The following ZNF763 variants were observed in gnomAD, a reference collection of about 807,000 sequenced individuals.
ZNF763 encodes zinc finger protein 763.
Under a neutral mutation model 38.0 loss-of-function variants are expected in ZNF763, and 33 were observed. The observed-to-expected ratio is 0.87, with a 90% confidence interval of 0.66 to 1.16. The LOEUF is 1.16. Ranked by LOEUF, ZNF763 falls within the 50% of genes most tolerant of loss-of-function variation. The pLI, the probability that ZNF763 is intolerant of heterozygous loss-of-function variation, is 0.00. For synonymous variants in ZNF763, 155 were observed against 160.1 expected (o/e 0.97, Z 0.24); for missense variants, 423 against 469.1 (o/e 0.90, Z 0.91).
intron 2 of ZNF763, 27 bp from the exon 3 acceptor site, chr19:11,977,344 G>T (rs1483929687): frequency 1.2e-6 from 2 of 1,612,678 alleles, no homozygotes; most frequent in African/African-American, 2.7e-5. Flanking sequence ...ATTGCTTCAG[G>T]ACTACTTTTC....
Position 11,977,425 on chromosome 19 carries a change from A to C in ZNF763, c.185A>C (p.Asn62Thr). The C allele has an allele frequency of 1.2e-6, 2 of 1,613,970 alleles. No individual in the cohort carries two copies. The highest frequency in any genetic ancestry group is 1.7e-6 in the Non-Finnish European group (2 of 1,179,906). Reference protein sequence around the residue: ...IEYEYQNPRRNFRSLIEGNVN... With the variant: ...IEYEYQNPRRTFRSLIEGNVN... Reference sequence around the variant, plus strand: ...TATGAGTACCAAAACCCCAGGAGAAACTTCAGGTAATTGGCACTTAAAGAG... The same window carrying C: ...TATGAGTACCAAAACCCCAGGAGAACCTTCAGGTAATTGGCACTTAAAGAG... Residue 62 changes from asparagine to threonine, a missense_variant, in exon 3 of 4, where the codon AAC (asparagine) becomes ACC (threonine). Physicochemically the swap from Asn to Thr is moderately conservative, Grantham distance 65. Coordinates refer to ENST00000358987, the MANE Select transcript of ZNF763 (RefSeq NM_001367172.2).
chr19:11,977,136 G>A lies in ZNF763; in HGVS notation c.102G>A (p.Leu34=). 1 of 1,614,064 alleles carries A rather than the reference G, an allele frequency of 6.2e-7. No individual in the cohort carries two copies. The highest frequency in any genetic ancestry group is 1.1e-5 in the South Asian group (1 of 91,078). Residue 34 remains leucine, a synonymous_variant, in exon 2 of 4, where the codon CTG becomes CTA. Coordinates refer to ENST00000358987, the MANE Select transcript of ZNF763 (RefSeq NM_001367172.2). ...GGAAACTCTACAGGGAAGTGATGCT[G>A]GAAACTTTCAGGAACCTGACCTCTA... is the stretch of plus-strand genomic sequence containing the variant. ...SQRKLYREVM[L]ETFRNLTSIG...
At chr19:11,977,197 T>C (rs1420061651) in intron 2 of ZNF763, 33 bp downstream of exon 2, 1 of 1,612,284 alleles carries the variant, frequency 6.2e-7, no homozygotes, top group Admixed American at 1.7e-5. Flanking sequence ...CCTCAGTCCA[T>C]TAGTGAACCA....
chr19:11,977,531 T>A, intron 3 of ZNF763, 100 bp downstream of exon 3: 1 of 1,395,662 alleles, frequency 7.2e-7, no homozygotes, highest in Non-Finnish European at 9.9e-7. Flanking sequence ...CAGTATCAAA[T>A]TCATCTCTTC....
intron 1 of ZNF763, among the ~76,000 whole-genome samples, chr19:11,969,424 G>C (rs1038086944): frequency 6.6e-6 from 1 of 152,118 alleles, no homozygotes; most frequent in Non-Finnish European, 1.5e-5. Flanking sequence ...TGTTCACACA[G>C]CCTATATAGG....
intron 3 of ZNF763, 135 bp downstream of exon 3, chr19:11,977,566 T>C: frequency 1.7e-6 from 2 of 1,169,154 alleles, no homozygotes; most frequent in Admixed American, 2.5e-5. Flanking sequence ...CAAAATCATA[T>C]ATTTACATGT....
rs1973575878 is a variant in ZNF763, at chr19:11,979,512, A to T, written c.*403A>T. 2 of 1,602,418 alleles carry T rather than the reference A, an allele frequency of 1.2e-6. No homozygotes were observed. Among genetic ancestry groups the T allele is most frequent in the South Asian group, 2.2e-5 (2 of 90,702 alleles). On this transcript the variant is annotated 3_prime_UTR_variant, in exon 4 of 4. Transcript: ENST00000358987. ...TATTCTCCCACGTCATTTCAAAGAC[A>T]TGAAAAAACTCACACTGCAGAGAAA... is the stretch of plus-strand genomic sequence containing the variant.
intron 1 of ZNF763, among the ~76,000 whole-genome samples, chr19:11,974,081 C>CT (rs148666879): frequency 0.031 from 2,371 of 75,862 alleles, 82 homozygotes; most frequent in African/African-American, 0.12. Flanking sequence ...TTCTTTCTTT[C>CT]TTTCTTTCTT....
At chr19:11,971,270 A>G (rs1220893872) in intron 1 of ZNF763, among the ~76,000 whole-genome samples, 2 of 152,172 alleles carry the variant, frequency 1.3e-5, no homozygotes, top group African/African-American at 4.8e-5. Flanking sequence ...CACATGACAG[A>G]AAAGAGAGGA....
At chr19:11,977,007 C>A in intron 1 of ZNF763, 31 bp from the exon 2 acceptor site, 1 of 1,613,108 alleles carries the variant, frequency 6.2e-7, no homozygotes, top group Non-Finnish European at 8.5e-7. Context: ...CACTCTCACC[C>A]AGCCTCCTCT....
In ZNF763 at chr19:11,979,743, C is replaced by A; in HGVS notation, c.*634C>A. On this transcript the variant is annotated 3_prime_UTR_variant, in exon 4 of 4. Coordinates refer to ENST00000358987, the MANE Select transcript of ZNF763 (RefSeq NM_001367172.2). Reference sequence around the variant, plus strand: ...AAGCAATGTGGGAAAGCCTTCAGATCTGCCCCACACCTTCGAATCCATGGT... The same window carrying A: ...AAGCAATGTGGGAAAGCCTTCAGATATGCCCCACACCTTCGAATCCATGGT... The A allele has an allele frequency of 6.3e-7, 1 of 1,580,666 alleles. No homozygotes were observed. The highest frequency in any genetic ancestry group is 2.3e-5 in the East Asian group (1 of 43,920).
intron 1 of ZNF763, 129 bp downstream of exon 1, chr19:11,965,340 T>C: frequency 7.6e-7 from 1 of 1,319,460 alleles, no homozygotes; most frequent in East Asian, 2.5e-5. Flanking sequence ...CTCCTGGAGC[T>C]GCTCGGCCCT....
Position 11,979,533 on chromosome 19 carries a change from A to G in ZNF763, c.*424A>G. 6.2e-7 allele frequency: 1 copy of G among 1,603,844 alleles called. No individual in the cohort carries two copies. The highest frequency in any genetic ancestry group is 8.5e-7 in the Non-Finnish European group (1 of 1,172,982). ...AGACATGAAAAAACTCACACTGCAG[A>G]GAAACCCTATGAATGCAAGCAATGT... is the stretch of plus-strand genomic sequence containing the variant. On this transcript the variant is annotated 3_prime_UTR_variant, in exon 4 of 4. Coordinates refer to ENST00000358987, the MANE Select transcript of ZNF763 (RefSeq NM_001367172.2).
intron 1 of ZNF763, among the ~76,000 whole-genome samples, chr19:11,968,234 A>C (rs1973277942): frequency 6.6e-6 from 1 of 151,686 alleles, no homozygotes; most frequent in African/African-American, 2.4e-5. Context: ...TAGAAGGCTG[A>C]TGTATGAGGT....
chr19:11,973,515 A>G (rs775722369), intron 1 of ZNF763, among the ~76,000 whole-genome samples: 4 of 151,928 alleles, frequency 2.6e-5, no homozygotes, highest in Non-Finnish European at 4.4e-5. Flanking sequence ...ACGTTCGGCC[A>G]CTCATTTTCT....
chr19:11,966,856 A>G (rs1270529465), intron 1 of ZNF763, among the ~76,000 whole-genome samples: 2 of 152,152 alleles, frequency 1.3e-5, no homozygotes, highest in African/African-American at 4.8e-5. Context: ...GAAAGATAGC[A>G]ATGGCCCAAA....
Position 11,977,067 on chromosome 19 carries a change from G to A in ZNF763, c.33G>A (p.Val11=), listed in dbSNP as rs111399037. The A allele has an allele frequency of 5.8e-3, 9,294 of 1,614,132 alleles. 421 individuals are homozygous for A. The African/African-American group carries it at 0.1, about 18-fold the overall frequency. Residue 11 remains valine, a synonymous_variant, in exon 2 of 4, where the codon GTG becomes GTA. Transcript: ENST00000358987. ...CTGTGGCCTGTGAGGATGTTGCTGT[G>A]AACTTCACCCAGGAGGAGTGGGCTT... MDPVACEDVA[V]NFTQEEWALL...
At chr19:11,968,024 T>C (rs1486585363) in intron 1 of ZNF763, among the ~76,000 whole-genome samples, 1 of 152,140 alleles carries the variant, frequency 6.6e-6, no homozygotes, top group Non-Finnish European at 1.5e-5. Context: ...GTTGTGGGAG[T>C]GTAAGGATAC....
chr19:11,978,551 C>T lies in ZNF763; in HGVS notation c.627C>T (p.Val209=). The T allele has an allele frequency of 6.2e-7, 1 of 1,614,160 alleles. No individual in the cohort carries two copies. The highest frequency in any genetic ancestry group is 1.1e-5 in the South Asian group (1 of 91,078). Residue 209 remains valine, a synonymous_variant, in exon 4 of 4, where the codon GTC becomes GTT. Coordinates refer to ENST00000358987, the MANE Select transcript of ZNF763 (RefSeq NM_001367172.2). ...PYKCKFCGKA[V]HCLRLYLIHE... ...AATGTAAGTTTTGTGGGAAAGCTGT[C>T]CATTGTCTCAGATTATATCTTATCC...
Sources: gnomAD v4.1 joint callset for allele counts (sites outside exome capture counted in the v4.1 genomes callset) on GRCh38, gnomAD v4.1.1 for gene constraint, MANE v1.5 for transcripts, NCBI Gene and HGNC (gene_info 2026-07-23, HGNC 2026-07-21) for gene names.